The following FBXL22 variants were observed in gnomAD, a reference collection of about 807,000 sequenced individuals.
FBXL22 encodes F-box and leucine-rich protein 22.
Under a neutral mutation model 11.7 loss-of-function variants are expected in FBXL22, and 13 were observed. The ratio of observed to expected loss-of-function variants is 1.11; its 90% CI spans 0.73 to 1.77. The LOEUF (loss-of-function observed/expected upper bound fraction) is 1.77, where lower values mean the gene tolerates loss of function less well. FBXL22 is among the 40% of genes most tolerant of loss of function. The pLI, the probability that FBXL22 is intolerant of heterozygous loss-of-function variation, is 0.00. For missense variants in FBXL22, 406 were observed against 320.4 expected (o/e 1.27, Z -2.04); for synonymous variants, 160 against 144.1 (o/e 1.11, Z -0.79).
downstream of FBXL22, chr15:63,601,580 A>G: frequency 6.4e-7 from 1 of 1,568,950 alleles, no homozygotes; most frequent in Non-Finnish European, 8.6e-7. Flanking sequence ...GAGGGGAAGC[A>G]GGGGCGCACG....
At chr15:63,599,460 G>T (rs1281168140) in intron 1 of FBXL22, 28 of 1,264,068 alleles carry the variant, frequency 2.2e-5, no homozygotes, top group South Asian at 1.2e-4. Flanking sequence ...ATCTGTCCTG[G>T]GTCTGACAGC....
chr15:63,599,693 C>T (rs2067333457), intron 1 of FBXL22: 3 of 986,674 alleles, frequency 3.0e-6, no homozygotes, highest in Non-Finnish European at 3.6e-6. Flanking sequence ...CACGGAGCTG[C>T]GGGGGAGGCT....
At chr15:63,602,034 T>C, downstream of FBXL22, 1 of 261,246 alleles carries the variant, frequency 3.8e-6, no homozygotes, top group Non-Finnish European at 7.4e-6. Context: ...GGGAGAATTC[T>C]GGGTGGGTGG....
rs1210833868 is a variant in FBXL22 at position 63,600,132 on chromosome 15, T to C, written c.354-565T>C. 1.9e-5 allele frequency: 19 copies of C among 985,714 alleles called. No individual in the cohort carries two copies. The Admixed American group carries it at 2.5e-4, about 13-fold the overall frequency. The allele number at this position is 985,714 out of a possible 1,614,324, so 61.1% of individuals were successfully genotyped here. A position where few individuals can be genotyped will look rare whatever the true frequency, so the allele number is the denominator to read the frequency against. ...TTTTCCAGGCTGGTGGCCCAGGGGATGCAGGAACAGCTCTAGTCTACTAAG... is the reference window on the plus strand; with the variant it reads ...TTTTCCAGGCTGGTGGCCCAGGGGACGCAGGAACAGCTCTAGTCTACTAAG... On this transcript the variant is annotated intron_variant, in intron 1 of 1. Transcript: ENST00000638704.
intron 1 of FBXL22, chr15:63,600,420 C>A: frequency 3.4e-6 from 4 of 1,189,116 alleles, no homozygotes; most frequent in Non-Finnish European, 4.2e-6. Context: ...CCCCAGGACT[C>A]TGCTGGGCCG....
In FBXL22 at chr15:63,597,422, C is replaced by T. The variant is rs948769371; in HGVS notation, c.30C>T (p.Thr10=). 1.9e-6 allele frequency: 3 copies of T among 1,613,038 alleles called. No homozygotes were observed. In the Admixed American group the frequency reaches 5.0e-5, roughly 27 times the overall value. MWPLLTMHI[T]QLNRECLLHL... is the part of the protein sequence containing the mutation. ...GGCCACTGCTCACCATGCACATAAC[C>T]CAGCTCAACCGGGAGTGCCTGCTGC... The change falls in exon 1 of 2, where the codon ACC becomes ACT. Residue 10 remains threonine (T), a synonymous_variant. Transcript: ENST00000638704. The surrounding 1 kb of genome is among the most constrained non-coding windows in gnomAD (Gnocchi z 4.3).
downstream of FBXL22, chr15:63,601,924 G>A (rs1043114672): frequency 1.6e-5 from 9 of 554,462 alleles, no homozygotes; most frequent in African/African-American, 1.6e-4. Context: ...ATGAGCACAA[G>A]CCTAGGCTTC....
At chr15:63,599,893 C>T in intron 1 of FBXL22, 2 of 985,658 alleles carry the variant, frequency 2.0e-6, no homozygotes, top group Non-Finnish European at 2.4e-6. Context: ...CAGTGGTAGA[C>T]ATTATTCCCC....
downstream of FBXL22, chr15:63,601,968 G>A: frequency 2.4e-6 from 1 of 423,710 alleles, no homozygotes. Context: ...TCACTGATGT[G>A]TCACATTTAG....
intron 1 of FBXL22, among the ~76,000 whole-genome samples, chr15:63,598,338 C>T (rs150766122): frequency 6.6e-6 from 1 of 152,258 alleles, no homozygotes; most frequent in African/African-American, 2.4e-5. Context: ...TCTAGGGTTG[C>T]CAGATTTTAG....
rs1459512046 is a variant in FBXL22, at chr15:63,600,962, A to G, written c.619A>G (p.Ser207Gly). 2.5e-6 allele frequency: 3 copies of G among 1,194,562 alleles called. No homozygotes were observed. Among genetic ancestry groups the G allele is most frequent in the Non-Finnish European group, 2.1e-6 (2 of 964,214 alleles). The allele number at this position is 1,194,562 out of a possible 1,614,324, so 74.0% of individuals were successfully genotyped here. The change falls in exon 2 of 2, where the codon AGC (serine) becomes GGC (glycine). Residue 207 changes from serine to glycine, a missense_variant. Transcript: ENST00000638704. ...CPRLALRAEH[S>G]AAMLPDQPPR... ...GCGCCTGGCCCTGCGGGCAGAGCAC[A>G]GCGCCGCCATGCTGCCCGACCAGCC...
At position 63,597,616 on chromosome 15, in the gene FBXL22, C is replaced by T; in HGVS notation, c.224C>T (p.Ser75Phe). The T allele has an allele frequency of 6.2e-7, 1 of 1,613,870 alleles. No homozygotes were observed. Among genetic ancestry groups the T allele is most frequent in the Non-Finnish European group, 8.5e-7 (1 of 1,180,028 alleles). Residue 75 changes from serine (S) to phenylalanine (F), a missense_variant, in exon 1 of 2, where the codon TCC becomes TTC. Ser to Phe is a radical substitution (Grantham distance 155, BLOSUM62 -2). Transcript: ENST00000638704. This position sits in a 1 kb window ranked among gnomAD's most constrained non-coding sequence, Gnocchi z 4.3. ...CTGGGCCCGGCACTCCGCAGCCTCT[C>T]CATCTGCTGGCACTCCAGCCGCGTG... ...FLLGPALRSLSICWHSSRVQV... is the reference protein window; with the variant it reads ...FLLGPALRSLFICWHSSRVQV...
Position 63,600,562 on chromosome 15 carries a change from AGT to A in FBXL22, c.354-132_354-131del, listed in dbSNP as rs1241593321. 71 of 1,229,614 alleles carry A rather than the reference AGT, an allele frequency of 5.8e-5. No homozygotes were observed. In the Middle Eastern group the frequency reaches 1.2e-3, roughly 22 times the overall value. The allele number at this position is 1,229,614 out of a possible 1,614,324, so 76.2% of individuals were successfully genotyped here. A position where few individuals can be genotyped will look rare whatever the true frequency, so the allele number is the denominator to read the frequency against. On this transcript the variant is annotated intron_variant, in intron 1 of 1. Transcript: ENST00000638704. ...CCAGAAAGCCGACTTGGAACCCTGC[AGT>A]GTCATCGCAGCCAAGTGTCTTCACC...
At chr15:63,605,269 G>C (rs552011623), downstream of FBXL22, among the ~76,000 whole-genome samples, 1 of 152,266 alleles carries the variant, frequency 6.6e-6, no homozygotes, top group South Asian at 2.1e-4. Flanking sequence ...GTGTTCTTGA[G>C]TGATCTCCAA....
chr15:63,601,428 G>C, downstream of FBXL22: 1 of 1,587,568 alleles, frequency 6.3e-7, no homozygotes, highest in Non-Finnish European at 8.6e-7. Flanking sequence ...TGCGCTCGGG[G>C]GTGACGGGGG....
Position 63,601,034 on chromosome 15 carries a change from C to A in FBXL22, c.691C>A (p.Arg231Ser). Reference sequence around the variant, plus strand: ...CGCGGCCCTCGGCAAGCTGCTGCAGCGCTAGACGCCGCCCCGCCGCTGCCC... The same window carrying A: ...CGCGGCCCTCGGCAAGCTGCTGCAGAGCTAGACGCCGCCCCGCCGCTGCCC... ...PAAALGKLLQ[R>S] The change falls in exon 2 of 2, where the codon CGC (arginine) becomes AGC (serine). Residue 231 changes from arginine (R) to serine (S), a missense_variant. Arg to Ser is a moderately radical substitution (Grantham distance 110, BLOSUM62 -1). Transcript: ENST00000638704. 1.6e-6 allele frequency: 2 copies of A among 1,220,548 alleles called. No homozygotes were observed. The highest frequency in any genetic ancestry group is 8.1e-5 in the South Asian group (2 of 24,716). The allele number at this position is 1,220,548 out of a possible 1,614,324, so 75.6% of individuals were successfully genotyped here. A position where few individuals can be genotyped will look rare whatever the true frequency, so the allele number is the denominator to read the frequency against.
downstream of FBXL22, chr15:63,602,047 G>T (rs1273248590): frequency 4.0e-6 from 1 of 249,850 alleles, no homozygotes; most frequent in Non-Finnish European, 7.8e-6. Flanking sequence ...GTGGGTGGAA[G>T]AGGCGAGGAG....
Position 63,601,201 on chromosome 15 carries a change from A to G in FBXL22, c.*162A>G. The G allele has an allele frequency of 6.7e-7, 1 of 1,483,516 alleles. No individual in the cohort carries two copies. Among genetic ancestry groups the G allele is most frequent in the Non-Finnish European group, 8.9e-7 (1 of 1,124,586 alleles). 91.9% of individuals were successfully genotyped at this position (1,483,516 alleles called of 1,614,324 possible). A position where few individuals can be genotyped will look rare whatever the true frequency, so the allele number is the denominator to read the frequency against. On this transcript the variant is annotated 3_prime_UTR_variant, in exon 2 of 2. Coordinates refer to ENST00000638704, the MANE Select transcript of FBXL22 (RefSeq NM_001367807.1). Reference sequence around the variant, plus strand: ...AGCCTACCTCACGTTACGATTTTATACATAGGATAAACGCAAGATTAAATG... The same window carrying G: ...AGCCTACCTCACGTTACGATTTTATGCATAGGATAAACGCAAGATTAAATG...
chr15:63,601,558 GT>G, downstream of FBXL22: 3 of 1,561,700 alleles, frequency 1.9e-6, no homozygotes, highest in Non-Finnish European at 2.6e-6. Flanking sequence ...GGTGATCTCG[GT>G]GAAGCAGGAG....
Sources: allele counts gnomAD v4.1 joint callset (sites outside exome capture counted in the v4.1 genomes callset), GRCh38; gene constraint gnomAD v4.1.1; non-coding constraint Gnocchi (gnomAD v3.1); transcripts MANE v1.5; gene names NCBI Gene and HGNC (gene_info 2026-07-23, HGNC 2026-07-21).